TMEM215: variants seen among roughly 807,000 people sequenced by gnomAD.
TMEM215 encodes the protein transmembrane protein 215.
A neutral mutation model predicts 14.7 loss-of-function variants in TMEM215; 12 were observed. That is an observed-to-expected ratio of 0.82 (90% CI 0.52 to 1.33). The LOEUF is 1.33. Among genes scored for constraint, TMEM215 ranks in the 40% most tolerant of loss-of-function variants. The pLI is 0.00. For synonymous variants in TMEM215, 122 were observed against 124.8 expected (o/e 0.98, Z 0.15); for missense variants, 276 against 296.2 (o/e 0.93, Z 0.50).
chr9:32,784,051 G>C (rs999489018), intron 1 of TMEM215, 75 bp from the exon 2 acceptor site: 3 of 798,870 alleles, frequency 3.8e-6, no homozygotes, highest in Non-Finnish European at 6.0e-6. Flanking sequence ...CAAAGGGCAA[G>C]AGAAAGACAA....
Position 32,784,422 on chromosome 9 carries a change from T to C in TMEM215, c.239T>C (p.Leu80Ser). ...AACGAGCTGCTGTGGGTCCGCAAAT[T>C]GCCCTGCTTCCGGAAACCCAAAGAC... is the stretch of plus-strand genomic sequence containing the variant. The part of the protein sequence containing the change: ...PENELLWVRK[L>S]PCFRKPKDKE... Residue 80 changes from leucine (L) to serine (S), a missense_variant, in exon 2 of 2, where the codon TTG becomes TCG. Coordinates refer to ENST00000342743, the MANE Select transcript of TMEM215 (RefSeq NM_212558.3). 1 of 1,614,152 alleles carries C rather than the reference T, an allele frequency of 6.2e-7. No homozygotes were observed. Among genetic ancestry groups the C allele is most frequent in the Non-Finnish European group, 8.5e-7 (1 of 1,180,020 alleles).
At position 32,787,920 on chromosome 9, in the gene TMEM215, G is replaced by T. The variant is rs770491774; in HGVS notation, c.*3029G>T. 1.3e-5 allele frequency among the ~76,000 whole-genome samples: 2 copies of T among 152,052 alleles called. No homozygotes were observed. Among genetic ancestry groups the T allele is most frequent in the Non-Finnish European group, 2.9e-5 (2 of 67,966 alleles). On this transcript the variant is annotated 3_prime_UTR_variant, in exon 2 of 2. Coordinates refer to ENST00000342743, the MANE Select transcript of TMEM215 (RefSeq NM_212558.3). ...TGCACATGGGTTGTTTTTCCAAACT[G>T]CTTCTTGATTCTTAAGTGAGAATTC...
At position 32,788,708 on chromosome 9, in the gene TMEM215, G is replaced by T. The variant is rs1824534049; in HGVS notation, c.*3817G>T. Among the ~76,000 whole-genome samples the T allele has an allele frequency of 2.0e-5, 3 of 152,244 alleles. No homozygotes were observed. The highest frequency in any genetic ancestry group is 2.0e-4 in the Admixed American group (3 of 15,278). The stretch of plus-strand genomic sequence containing the variant: ...GTAAATGAATGGAACTCTCCATATT[G>T]TTGTGTGGGTCTTCCCTTCACTCTT... On this transcript the variant is annotated 3_prime_UTR_variant, in exon 2 of 2. Transcript: ENST00000342743.
rs1026928451 is a variant in TMEM215 at position 32,788,479 on chromosome 9, G to A, written c.*3588G>A. Among the ~76,000 whole-genome samples, 1 of 152,140 alleles carries A rather than the reference G, an allele frequency of 6.6e-6. No individual in the cohort carries two copies. The highest frequency in any genetic ancestry group is 6.5e-5 in the Admixed American group (1 of 15,270). On this transcript the variant is annotated 3_prime_UTR_variant, in exon 2 of 2. Coordinates refer to ENST00000342743, the MANE Select transcript of TMEM215 (RefSeq NM_212558.3). ...TATTTCTAATTATCAATGAACGATT[G>A]TGTAATATGCCATTTTAGTGATGTT...
In TMEM215 at chr9:32,786,438, A is replaced by G. The variant is rs2118244763; in HGVS notation, c.*1547A>G. On this transcript the variant is annotated 3_prime_UTR_variant, in exon 2 of 2. Transcript: ENST00000342743. ...AATTTTCAAGTCAAGTTCAAGATCA[A>G]AAATATGTAATTATTTTAGTAGGGC... The G allele has an allele frequency of 6.0e-6, 1 of 167,084 alleles. No homozygotes were observed. The highest frequency in any genetic ancestry group is 1.5e-5 in the Non-Finnish European group (1 of 68,052). The allele number at this position is 167,084 out of a possible 1,614,324, so 10.4% of individuals were successfully genotyped here.
At position 32,784,147 on chromosome 9, in the gene TMEM215, GGT is replaced by G. The variant is rs1824473253; in HGVS notation, c.-36_-35del. On this transcript the variant is annotated 5_prime_UTR_variant, in exon 2 of 2. Transcript: ENST00000342743. Reference sequence around the variant, plus strand: ...ACAGAATAGAGGAACGCTGCTCCCTGGTCAGCAAGCAGCCCCCAACCTGGATG... The same window carrying G: ...ACAGAATAGAGGAACGCTGCTCCCTGCAGCAAGCAGCCCCCAACCTGGATG... The G allele has an allele frequency of 6.4e-7, 1 of 1,574,676 alleles. No individual in the cohort carries two copies. Among genetic ancestry groups the G allele is most frequent in the Admixed American group, 1.8e-5 (1 of 56,526 alleles).
Position 32,788,578 on chromosome 9 carries a change from C to A in TMEM215, c.*3687C>A, listed in dbSNP as rs188412706. ...ATGGATGATTTTGTATGTTTTTTTCCTATTGCTGGTTACACTGCTATATTA... is the reference window on the plus strand; with the variant it reads ...ATGGATGATTTTGTATGTTTTTTTCATATTGCTGGTTACACTGCTATATTA... On this transcript the variant is annotated 3_prime_UTR_variant, in exon 2 of 2. Coordinates refer to ENST00000342743, the MANE Select transcript of TMEM215 (RefSeq NM_212558.3). 4.6e-5 allele frequency among the ~76,000 whole-genome samples: 7 copies of A among 152,024 alleles called. No individual in the cohort carries two copies. Among genetic ancestry groups the A allele is most frequent in the Admixed American group, 4.6e-4 (7 of 15,288 alleles).
Position 32,788,872 on chromosome 9 carries a change from A to G in TMEM215, c.*3981A>G, listed in dbSNP as rs1301241837. Among the ~76,000 whole-genome samples the G allele has an allele frequency of 6.6e-6, 1 of 152,250 alleles. No individual in the cohort carries two copies. The highest frequency in any genetic ancestry group is 1.5e-5 in the Non-Finnish European group (1 of 68,048). On this transcript the variant is annotated 3_prime_UTR_variant, in exon 2 of 2. Coordinates refer to ENST00000342743, the MANE Select transcript of TMEM215 (RefSeq NM_212558.3). Reference sequence around the variant, plus strand: ...TACCAGTGGTGTGTTTCTCACAATTAGATTACAGTGGTGTCAGTCTTCAAG... The same window carrying G: ...TACCAGTGGTGTGTTTCTCACAATTGGATTACAGTGGTGTCAGTCTTCAAG...
chr9:32,784,664 T>C lies in TMEM215; in HGVS notation c.481T>C (p.Tyr161His), dbSNP rs1192182742. Reference protein sequence around the residue: ...QNGHQEETSRYLDGYCPSGSS... With the variant: ...QNGHQEETSRHLDGYCPSGSS... ...TGGGCATCAGGAGGAGACGTCCAGA[T>C]ACCTGGACGGCTACTGCCCCTCGGG... is the stretch of plus-strand genomic sequence containing the variant. The change falls in exon 2 of 2, where the codon TAC becomes CAC. Residue 161 changes from tyrosine (Y) to histidine (H), a missense_variant. Transcript: ENST00000342743. 3 of 1,613,874 alleles carry C rather than the reference T, an allele frequency of 1.9e-6. No homozygotes were observed. The highest frequency in any genetic ancestry group is 2.5e-6 in the Non-Finnish European group (3 of 1,179,998).
Position 32,784,628 on chromosome 9 carries a change from C to G in TMEM215, c.445C>G (p.Leu149Val). The G allele has an allele frequency of 4.3e-6, 7 of 1,613,794 alleles. No homozygotes were observed. The highest frequency in any genetic ancestry group is 5.9e-6 in the Non-Finnish European group (7 of 1,179,916). Residue 149 changes from leucine (L) to valine (V), a missense_variant, in exon 2 of 2, where the codon CTC (leucine) becomes GTC (valine). By Grantham distance (32) the Leu-to-Val change is conservative. Coordinates refer to ENST00000342743, the MANE Select transcript of TMEM215 (RefSeq NM_212558.3). The part of the protein sequence containing the change: ...TPTEEGECQS[L>V]VQNGHQEETS... ...CACGGAGGAAGGAGAATGCCAGAGC[C>G]TCGTCCAGAATGGGCATCAGGAGGA...
At position 32,786,941 on chromosome 9, in the gene TMEM215, G is replaced by A. The variant is rs913160892; in HGVS notation, c.*2050G>A. On this transcript the variant is annotated 3_prime_UTR_variant, in exon 2 of 2. Transcript: ENST00000342743. ...CACAGTAACTTTTAATAATTGTAATGCATTTTGAAAACAGAGAATCATATT... is the reference window on the plus strand; with the variant it reads ...CACAGTAACTTTTAATAATTGTAATACATTTTGAAAACAGAGAATCATATT... The A allele has an allele frequency of 3.6e-5, 6 of 167,072 alleles. No individual in the cohort carries two copies. Among genetic ancestry groups the A allele is most frequent in the South Asian group, 2.1e-4 (1 of 4,820 alleles). The allele number at this position is 167,072 out of a possible 1,614,324, so 10.3% of individuals were successfully genotyped here.
rs1824490064 is a variant in TMEM215, at chr9:32,784,960, C to G, written c.*69C>G. On this transcript the variant is annotated 3_prime_UTR_variant, in exon 2 of 2. Coordinates refer to ENST00000342743, the MANE Select transcript of TMEM215 (RefSeq NM_212558.3). ...CCCAGCTCCCCGTGGAAGCAAATTG[C>G]TCTGCTTGGAGAGCCTTCACACTGT... is the stretch of plus-strand genomic sequence containing the variant. 7.4e-7 allele frequency: 1 copy of G among 1,357,140 alleles called. No individual in the cohort carries two copies. Among genetic ancestry groups the G allele is most frequent in the Non-Finnish European group, 1.0e-6 (1 of 969,698 alleles). 84.1% of individuals were successfully genotyped at this position (1,357,140 alleles called of 1,614,324 possible). A position where few individuals can be genotyped will look rare whatever the true frequency, so the allele number is the denominator to read the frequency against.
rs1824490221 is a variant in TMEM215, at chr9:32,784,989, A to G, written c.*98A>G. 8 of 1,010,224 alleles carry G rather than the reference A, an allele frequency of 7.9e-6. No homozygotes were observed. Among genetic ancestry groups the G allele is most frequent in the Non-Finnish European group, 1.5e-6 (1 of 672,192 alleles). 62.6% of individuals were successfully genotyped at this position (1,010,224 alleles called of 1,614,324 possible). A position where few individuals can be genotyped will look rare whatever the true frequency, so the allele number is the denominator to read the frequency against. ...GCTTGGAGAGCCTTCACACTGTTAG[A>G]AATTGACCTGGTATGTGATGGGTGT... On this transcript the variant is annotated 3_prime_UTR_variant, in exon 2 of 2. Transcript: ENST00000342743.
At chr9:32,784,044 A>C in intron 1 of TMEM215, 82 bp from the exon 2 acceptor site, 1 of 738,520 alleles carries the variant, frequency 1.4e-6, no homozygotes, top group Non-Finnish European at 2.2e-6. Context: ...TCGGAGACAA[A>C]GGGCAAGAGA....
Position 32,785,011 on chromosome 9 carries a change from G to C in TMEM215, c.*120G>C. The C allele has an allele frequency of 1.2e-6, 1 of 810,588 alleles. No individual in the cohort carries two copies. The highest frequency in any genetic ancestry group is 2.0e-6 in the Non-Finnish European group (1 of 503,284). The allele number at this position is 810,588 out of a possible 1,614,324, so 50.2% of individuals were successfully genotyped here. A position where few individuals can be genotyped will look rare whatever the true frequency, so the allele number is the denominator to read the frequency against. Reference sequence around the variant, plus strand: ...TAGAAATTGACCTGGTATGTGATGGGTGTGATAACCTCTGGTACCCGAGAG... The same window carrying C: ...TAGAAATTGACCTGGTATGTGATGGCTGTGATAACCTCTGGTACCCGAGAG... On this transcript the variant is annotated 3_prime_UTR_variant, in exon 2 of 2. Coordinates refer to ENST00000342743, the MANE Select transcript of TMEM215 (RefSeq NM_212558.3).
rs61744323 is a variant in TMEM215 at position 32,784,183 on chromosome 9, C to G, written c.-1C>G. 5,944 of 1,609,484 alleles carry G rather than the reference C, an allele frequency of 3.7e-3. 189 individuals carry two copies. The African/African-American group carries it at 0.068, about 18-fold the overall frequency. On this transcript the variant is annotated 5_prime_UTR_variant, in exon 2 of 2. Coordinates refer to ENST00000342743, the MANE Select transcript of TMEM215 (RefSeq NM_212558.3). ...AGCCCCCAACCTGGATGGAGTGAAACATGCGGCCTGATGACATTAACCCGA... is the reference window on the plus strand; with the variant it reads ...AGCCCCCAACCTGGATGGAGTGAAAGATGCGGCCTGATGACATTAACCCGA...
rs1336078367 is a variant in TMEM215 at position 32,788,834 on chromosome 9, TC to T, written c.*3947del. On this transcript the variant is annotated 3_prime_UTR_variant, in exon 2 of 2. Transcript: ENST00000342743. ...ATGTTTAGGAGTAAGATGGAACATTTCCCCAGCTAAGATACCAGTGGTGTGT... is the reference window on the plus strand; with the variant it reads ...ATGTTTAGGAGTAAGATGGAACATTTCCCAGCTAAGATACCAGTGGTGTGT... Among the ~76,000 whole-genome samples, 1 of 152,204 alleles carries T rather than the reference TC, an allele frequency of 6.6e-6. No homozygotes were observed. The highest frequency in any genetic ancestry group is 1.5e-5 in the Non-Finnish European group (1 of 68,026).
chr9:32,787,982 G>T lies in TMEM215; in HGVS notation c.*3091G>T, dbSNP rs374410036. On this transcript the variant is annotated 3_prime_UTR_variant, in exon 2 of 2. Coordinates refer to ENST00000342743, the MANE Select transcript of TMEM215 (RefSeq NM_212558.3). ...TCAAACGAGAGCATATTAGACATCT[G>T]TTTTAAGATTTATTTTCTGTTGCAG... 6.6e-6 allele frequency among the ~76,000 whole-genome samples: 1 copy of T among 152,052 alleles called. No homozygotes were observed. The highest frequency in any genetic ancestry group is 2.1e-4 in the South Asian group (1 of 4,822).
chr9:32,784,690 C>G lies in TMEM215; in HGVS notation c.507C>G (p.Gly169=). 1.2e-6 allele frequency: 2 copies of G among 1,614,136 alleles called. No individual in the cohort carries two copies. The highest frequency in any genetic ancestry group is 1.7e-6 in the Non-Finnish European group (2 of 1,180,030). Residue 169 remains glycine, a synonymous_variant, in exon 2 of 2, where the codon GGC becomes GGG. Coordinates refer to ENST00000342743, the MANE Select transcript of TMEM215 (RefSeq NM_212558.3). ...ACCTGGACGGCTACTGCCCCTCGGG[C>G]AGTTCCCTCACCTACAGTGCCTTGG... ...SRYLDGYCPS[G]SSLTYSALDV...
Sources: gnomAD v4.1 joint callset for allele counts (sites outside exome capture counted in the v4.1 genomes callset) on GRCh38, gnomAD v4.1.1 for gene constraint, MANE v1.5 for transcripts, NCBI Gene and HGNC (gene_info 2026-07-23, HGNC 2026-07-21) for gene names.